Variants in FAM120B observed in about 807,000 individuals in gnomAD.
FAM120B encodes the protein family with sequence similarity 120 member B, also known as constitutive coactivator of peroxisome proliferator-activated receptor gamma.
A neutral mutation model predicts 96.3 loss-of-function variants in FAM120B; 83 were observed. That is an observed-to-expected ratio of 0.86 (90% CI 0.72 to 1.03). FAM120B has a LOEUF of 1.03. FAM120B is among the 50% of genes least tolerant of loss of function. FAM120B has a pLI of 0.00. For missense variants in FAM120B, 1,027 were observed against 1,121.2 expected (o/e 0.92, Z 1.20); for synonymous variants, 407 against 402.7 (o/e 1.01, Z -0.13).
intron 6 of FAM120B, among the ~76,000 whole-genome samples, chr6:170,360,071 A>G (rs1788239574): frequency 6.6e-6 from 1 of 152,062 alleles, no homozygotes; most frequent in South Asian, 2.1e-4. Flanking sequence ...CTTCCCTGTC[A>G]GAAGAATTAA....
intron 5 of FAM120B, among the ~76,000 whole-genome samples, chr6:170,348,852 C>T (rs542041066): frequency 1.1e-3 from 171 of 152,142 alleles, no homozygotes; most frequent in Non-Finnish European, 2.2e-3. Context: ...TAGTAGCTGC[C>T]TCCTAGGGCT....
At chr6:170,362,984 A>G (rs887157436) in intron 6 of FAM120B, among the ~76,000 whole-genome samples, 6 of 152,112 alleles carry the variant, frequency 3.9e-5, no homozygotes, top group Non-Finnish European at 5.9e-5. Flanking sequence ...CACCGTGGCA[A>G]TGATGATTTT....
intron 7 of FAM120B, among the ~76,000 whole-genome samples, chr6:170,390,452 C>G (rs1790421129): frequency 6.6e-6 from 1 of 151,304 alleles, no homozygotes; most frequent in Admixed American, 6.6e-5. Flanking sequence ...TGACCAAGTT[C>G]CAAGTGATTA....
At chr6:170,397,363 G>A (rs1184283227) in intron 9 of FAM120B, among the ~76,000 whole-genome samples, 1 of 152,128 alleles carries the variant, frequency 6.6e-6, no homozygotes, top group Non-Finnish European at 1.5e-5. Context: ...TTGACAAGGT[G>A]ATATTTAAGC....
intron 6 of FAM120B, 118 bp from the exon 7 acceptor site, chr6:170,388,169 C>T: frequency 1.2e-6 from 1 of 807,530 alleles, no homozygotes; most frequent in East Asian, 2.7e-5. Context: ...TATGGTGATG[C>T]TGTCCAGTTA....
intron 5 of FAM120B, among the ~76,000 whole-genome samples, chr6:170,356,489 A>G (rs1787959259): frequency 6.6e-6 from 1 of 152,198 alleles, no homozygotes; most frequent in Non-Finnish European, 1.5e-5. Context: ...GGGATAAAAT[A>G]ACATACTGTT....
chr6:170,366,253 G>C (rs1430854869), intron 6 of FAM120B, among the ~76,000 whole-genome samples: 1 of 152,194 alleles, frequency 6.6e-6, no homozygotes, highest in Non-Finnish European at 1.5e-5. Flanking sequence ...AGTTATCCTG[G>C]TGAGACGAGA....
intron 4 of FAM120B, among the ~76,000 whole-genome samples, chr6:170,339,968 T>C (rs1238512956): frequency 6.6e-6 from 1 of 152,230 alleles, no homozygotes; most frequent in East Asian, 1.9e-4. Context: ...TTAGGTGTCT[T>C]AGGGTTGCTC....
chr6:170,358,543 T>C (rs754590980), intron 6 of FAM120B, among the ~76,000 whole-genome samples: 6 of 152,246 alleles, frequency 3.9e-5, no homozygotes, highest in Non-Finnish European at 8.8e-5. Flanking sequence ...GTGAAACTTG[T>C]AGTTCTCAAT....
In FAM120B at chr6:170,404,114, T is replaced by C. The variant is rs558863453; in HGVS notation, c.2693-436T>C. 3.7e-5 allele frequency: 6 copies of C among 162,584 alleles called. No individual in the cohort carries two copies. The South Asian group carries it at 1.2e-3, about 31-fold the overall frequency. The allele number at this position is 162,584 out of a possible 1,614,324, so 10.1% of individuals were successfully genotyped here. A position where few individuals can be genotyped will look rare whatever the true frequency, so the allele number is the denominator to read the frequency against. On this transcript the variant is annotated intron_variant, in intron 9 of 10. Coordinates refer to ENST00000476287, the MANE Select transcript of FAM120B (RefSeq NM_032448.3). ...TAGGGAGGTTCTGCCCCGAGTCTCT[T>C]CCCAACGTTCCCTGTCTATCAGAAA...
At chr6:170,314,837 C>T (rs1784797748) in intron 1 of FAM120B, among the ~76,000 whole-genome samples, 1 of 152,186 alleles carries the variant, frequency 6.6e-6, no homozygotes, top group African/African-American at 2.4e-5. Context: ...TCACAAGTTC[C>T]CAAAACCTTT....
intron 6 of FAM120B, among the ~76,000 whole-genome samples, chr6:170,372,777 G>A (rs111485683): frequency 5.3e-5 from 8 of 152,310 alleles, no homozygotes; most frequent in African/African-American, 1.9e-4. Flanking sequence ...GCTCGCTTAC[G>A]TTCTGTAAGA....
intron 1 of FAM120B, among the ~76,000 whole-genome samples, chr6:170,299,476 G>A (rs1784096564): frequency 6.6e-6 from 1 of 152,240 alleles, no homozygotes; most frequent in African/African-American, 2.4e-5. Context: ...CAAAGAACCA[G>A]TCTTTTGTGT....
intron 4 of FAM120B, among the ~76,000 whole-genome samples, chr6:170,338,811 G>A (rs908891870): frequency 6.9e-6 from 1 of 144,836 alleles, no homozygotes; most frequent in African/African-American, 2.5e-5. Context: ...TTGGATTAAA[G>A]TGTGTAGTAT....
chr6:170,358,772 C>T (rs560898543), intron 6 of FAM120B, among the ~76,000 whole-genome samples: 1 of 152,282 alleles, frequency 6.6e-6, no homozygotes, highest in East Asian at 1.9e-4. Context: ...AGAGGGTACA[C>T]CTCAGCTGGG....
In FAM120B at chr6:170,318,669, A is replaced by G. The variant is rs528554780; in HGVS notation, c.1279A>G (p.Met427Val). ...CCCTGAAGCCAGGCAAGAAGTTCCC[A>G]TGTATACAGACTCTGAACCCAGGCA... ...TGPEARQEVP[M>V]YTDSEPRQEV... The change falls in exon 2 of 11, where the codon ATG becomes GTG. Residue 427 changes from methionine (M) to valine (V), a missense_variant. By Grantham distance (21) the Met-to-Val change is conservative. This residue lies in a region of FAM120B where 880 missense variants were observed against 980.9 expected (regional missense o/e 0.90). Coordinates refer to ENST00000476287, the MANE Select transcript of FAM120B (RefSeq NM_032448.3). The G allele has an allele frequency of 6.3e-7, 1 of 1,589,924 alleles. No homozygotes were observed. Among genetic ancestry groups the G allele is most frequent in the Non-Finnish European group, 8.6e-7 (1 of 1,166,982 alleles).
intron 1 of FAM120B, among the ~76,000 whole-genome samples, chr6:170,300,249 A>C (rs1562505240): frequency 6.6e-6 from 1 of 152,196 alleles, no homozygotes; most frequent in Admixed American, 6.5e-5. Context: ...CCTTCTTCAC[A>C]TGGCAGCAGC....
At position 170,372,179 on chromosome 6, in the gene FAM120B, TG is replaced by T. The variant is rs1451751642; in HGVS notation, c.2283+13862del. On this transcript the variant is annotated intron_variant, in intron 6 of 10. Coordinates refer to ENST00000476287, the MANE Select transcript of FAM120B (RefSeq NM_032448.3). ...CATGGTTCATGCGGTCTGAGTAATTTGTTTACTCTCAGTTTTAATTAAAATT... is the reference window on the plus strand; with the variant it reads ...CATGGTTCATGCGGTCTGAGTAATTTTTTACTCTCAGTTTTAATTAAAATT... 2.1e-3 allele frequency among the ~76,000 whole-genome samples: 313 copies of T among 152,326 alleles called. 2 individuals carry two copies. Among genetic ancestry groups the T allele is most frequent in the Non-Finnish European group, 5.1e-4 (35 of 68,034 alleles).
intron 9 of FAM120B, among the ~76,000 whole-genome samples, chr6:170,399,072 G>A (rs1353660325): frequency 1.3e-5 from 2 of 148,448 alleles, no homozygotes; most frequent in African/African-American, 5.1e-5. Flanking sequence ...GTAGAACTAT[G>A]TCATAACTCT....
Sources: gnomAD v4.1 joint callset for allele counts (sites outside exome capture counted in the v4.1 genomes callset) on GRCh38, gnomAD v4.1.1 for gene constraint, gnomAD v4.1.1 regional missense constraint, MANE v1.5 for transcripts, NCBI Gene and HGNC (gene_info 2026-07-23, HGNC 2026-07-21) for gene names.